Variants in SCPEP1 observed in about 807,000 individuals in gnomAD.
The protein encoded by SCPEP1 is retinoid-inducible serine carboxypeptidase.
In SCPEP1, 51 loss-of-function variants were observed where a neutral mutation model predicts 63.8. The ratio of observed to expected loss-of-function variants is 0.80; its 90% CI spans 0.64 to 1.01. The LOEUF is 1.01. Ranked by LOEUF, SCPEP1 falls within the 50% of genes least tolerant of loss-of-function variation. SCPEP1 has a pLI of 0.00. For synonymous variants in SCPEP1, 204 were observed against 207.8 expected (o/e 0.98, Z 0.16); for missense variants, 499 against 554.9 (o/e 0.90, Z 1.01).
At chr17:56,980,566 A>T (rs909557889) in intron 1 of SCPEP1, among the ~76,000 whole-genome samples, 2 of 152,192 alleles carry the variant, frequency 1.3e-5, no homozygotes, top group Non-Finnish European at 2.9e-5. Context: ...AGGCGGGCAG[A>T]TCACCTGAGG....
chr17:56,998,006 C>T (rs1911620329), intron 9 of SCPEP1: 3 of 194,114 alleles, frequency 1.5e-5, no homozygotes, highest in Admixed American at 1.1e-4. Flanking sequence ...GCAGCATCCC[C>T]AGCAGCTTGG....
chr17:56,979,203 G>C (rs1202618478), intron 1 of SCPEP1, among the ~76,000 whole-genome samples: 1 of 152,090 alleles, frequency 6.6e-6, no homozygotes, highest in Non-Finnish European at 1.5e-5. Flanking sequence ...TGCCCAGGCT[G>C]GTCTGGAACT....
chr17:56,994,943 A>G, intron 6 of SCPEP1, 38 bp from the exon 7 acceptor site: 1 of 1,574,832 alleles, frequency 6.3e-7, no homozygotes, highest in South Asian at 1.1e-5. Flanking sequence ...AGACAGAGGT[A>G]TGACATACTT....
chr17:56,982,334 G>A (rs993041150), intron 2 of SCPEP1, among the ~76,000 whole-genome samples: 1 of 152,184 alleles, frequency 6.6e-6, no homozygotes, highest in Admixed American at 6.5e-5. Flanking sequence ...CCCACCACCT[G>A]GGTTTTGCCT....
intron 6 of SCPEP1, among the ~76,000 whole-genome samples, chr17:56,993,795 G>A (rs191601703): frequency 6.6e-6 from 1 of 152,198 alleles, no homozygotes; most frequent in Non-Finnish European, 1.5e-5. Flanking sequence ...TGTAAGAACA[G>A]AGTGGAGTAG....
Position 56,987,494 on chromosome 17 carries a change from C to T in SCPEP1, c.316-201C>T, listed in dbSNP as rs1253535810. Reference sequence around the variant, plus strand: ...TTTTTTTTTTTTGCGGCGGCGGGGGCGGTTGGCCTTTCTTTGTTTTTGTTT... The same window carrying T: ...TTTTTTTTTTTTGCGGCGGCGGGGGTGGTTGGCCTTTCTTTGTTTTTGTTT... On this transcript the variant is annotated intron_variant, in intron 3 of 12. Transcript: ENST00000262288. 8.6e-5 allele frequency: 33 copies of T among 385,030 alleles called. No individual in the cohort carries two copies. In the Admixed American group the frequency reaches 9.3e-4, roughly 11 times the overall value. The allele number at this position is 385,030 out of a possible 1,614,324, so 23.9% of individuals were successfully genotyped here.
intron 5 of SCPEP1, among the ~76,000 whole-genome samples, chr17:56,990,494 T>C (rs1340919832): frequency 6.6e-6 from 1 of 152,246 alleles, no homozygotes; most frequent in Non-Finnish European, 1.5e-5. Context: ...GTATATAGCT[T>C]TCTAAATATT....
In SCPEP1 at chr17:56,978,144, C is replaced by A; in HGVS notation, c.-16C>A. The A allele has an allele frequency of 8.0e-7, 1 of 1,244,640 alleles. No individual in the cohort carries two copies. 77.1% of individuals were successfully genotyped at this position (1,244,640 alleles called of 1,614,324 possible). A position where few individuals can be genotyped will look rare whatever the true frequency, so the allele number is the denominator to read the frequency against. On this transcript the variant is annotated 5_prime_UTR_variant, in exon 1 of 13. Coordinates refer to ENST00000262288, the MANE Select transcript of SCPEP1 (RefSeq NM_021626.3). ...CGGGTCCAGCCTGTTGCTGATGCTG[C>A]CGTGCGGTACTTGTCATGGAGCTGG...
At chr17:56,995,428 T>C in intron 7 of SCPEP1, 79 bp from the exon 8 acceptor site, 1 of 1,486,610 alleles carries the variant, frequency 6.7e-7, no homozygotes, top group South Asian at 1.3e-5. Flanking sequence ...CTCTTTCTCC[T>C]ACCCCTCCCT....
At position 56,978,235 on chromosome 17, in the gene SCPEP1, G is replaced by A; in HGVS notation, c.76G>A (p.Gly26Arg). 1 of 1,544,582 alleles carries A rather than the reference G, an allele frequency of 6.5e-7. No individual in the cohort carries two copies. The highest frequency in any genetic ancestry group is 8.7e-7 in the Non-Finnish European group (1 of 1,150,404). ...GCCGCTGCTGCTGGGCCTGAACGCA[G>A]GTAGGTTCAAGCAAGAGGCGCACCA... ...LLPLLLGLNA[G>R]AVIDWPTEEG... The change falls in exon 1 of 13, where the codon GGA (glycine) becomes AGA (arginine). Residue 26 changes from glycine to arginine, a missense_variant and splice_region_variant. Coordinates refer to ENST00000262288, the MANE Select transcript of SCPEP1 (RefSeq NM_021626.3).
chr17:56,997,330 T>C (rs1911599461), intron 9 of SCPEP1, among the ~76,000 whole-genome samples: 1 of 152,206 alleles, frequency 6.6e-6, no homozygotes, highest in African/African-American at 2.4e-5. Flanking sequence ...ATCTGCCTTC[T>C]GTCTCTCTAG....
Position 56,996,928 on chromosome 17 carries a change from GAAAC to G in SCPEP1, c.787-28_787-25del, listed in dbSNP as rs371802495. On this transcript the variant is annotated intron_variant, in intron 8 of 12. Transcript: ENST00000262288. ...TTGGCAGCTTTGATGATAGGAAAAT[GAAAC>G]AAACAGCCAAATAAACTTTTATATT... is the stretch of plus-strand genomic sequence containing the variant. 10 of 1,477,508 alleles carry G rather than the reference GAAAC, an allele frequency of 6.8e-6. No individual in the cohort carries two copies. In the African/African-American group the frequency reaches 1.3e-4, roughly 19 times the overall value. The allele number at this position is 1,477,508 out of a possible 1,614,324, so 91.5% of individuals were successfully genotyped here.
chr17:56,995,340 T>C, intron 7 of SCPEP1, 167 bp from the exon 8 acceptor site: 1 of 678,268 alleles, frequency 1.5e-6, no homozygotes, highest in Non-Finnish European at 2.5e-6. Context: ...AGTTAACAAT[T>C]TGCTGTGTTT....
chr17:56,994,777 C>G, intron 6 of SCPEP1: 1 of 495,238 alleles, frequency 2.0e-6, no homozygotes, highest in Non-Finnish European at 3.7e-6. Flanking sequence ...ACAGAAAGGC[C>G]CCCACACCCT....
intron 6 of SCPEP1, among the ~76,000 whole-genome samples, chr17:56,991,662 A>G (rs962279747): frequency 6.6e-6 from 1 of 152,246 alleles, no homozygotes; most frequent in Non-Finnish European, 1.5e-5. Flanking sequence ...GTAATTGAGC[A>G]TCCGTGTTGC....
At chr17:56,986,839 G>C (rs3095489) in intron 3 of SCPEP1, among the ~76,000 whole-genome samples, 116,746 of 152,232 alleles carry the variant, frequency 0.77, 45,537 homozygotes, top group East Asian at 0.99. Context: ...GCCACCGTGC[G>C]CGGCCTCTGG....
intron 10 of SCPEP1, among the ~76,000 whole-genome samples, chr17:57,000,556 C>T (rs936121813): frequency 6.6e-6 from 1 of 152,204 alleles, no homozygotes; most frequent in Non-Finnish European, 1.5e-5. Context: ...ATGAGTATTT[C>T]CTGGGCCTCT....
intron 1 of SCPEP1, among the ~76,000 whole-genome samples, chr17:56,980,492 A>G (rs750281668): frequency 7.2e-5 from 11 of 152,168 alleles, no homozygotes; most frequent in Non-Finnish European, 1.0e-4. Context: ...TCAAAATATA[A>G]ATCTCTCTTG....
At chr17:56,988,328 G>T in intron 5 of SCPEP1, 38 bp downstream of exon 5, 1 of 1,493,660 alleles carries the variant, frequency 6.7e-7, no homozygotes, top group South Asian at 1.2e-5. Context: ...GTTTTGGACA[G>T]AAAATCAATT....
Sources: allele counts gnomAD v4.1 joint callset (sites outside exome capture counted in the v4.1 genomes callset), GRCh38; gene constraint gnomAD v4.1.1; transcripts MANE v1.5; gene names NCBI Gene and HGNC (gene_info 2026-07-23, HGNC 2026-07-21).